Variants in COL6A2 observed in about 807,000 individuals in gnomAD.
COL6A2 encodes collagen type VI alpha 2 chain, also known as collagen alpha-2(VI) chain.
COL6A2 carries 90 observed loss-of-function variants against 124.9 expected under a neutral mutation model. The ratio of observed to expected loss-of-function variants is 0.72; its 90% CI spans 0.61 to 0.86. The LOEUF (loss-of-function observed/expected upper bound fraction) is 0.86. COL6A2 is among the 40% of genes least tolerant of loss of function. The pLI is 0.00. For missense variants in COL6A2, 1,607 were observed against 1,502.5 expected (o/e 1.07, Z -1.15); for synonymous variants, 793 against 618.2 (o/e 1.28, Z -4.19).
intron 1 of COL6A2, among the ~76,000 whole-genome samples, chr21:46,099,653 C>T (rs376220645): frequency 1.3e-5 from 2 of 152,202 alleles, no homozygotes; most frequent in East Asian, 1.9e-4. Flanking sequence ...ACCCAGCCCG[C>T]GGGGCACTGG....
Position 46,132,409 on chromosome 21 carries a change from G to C in COL6A2, c.2917G>C (p.Val973Leu). The C allele has an allele frequency of 6.2e-7, 1 of 1,608,244 alleles. No homozygotes were observed. The highest frequency in any genetic ancestry group is 8.5e-7 in the Non-Finnish European group (1 of 1,178,020). Residue 973 changes from valine (V) to leucine (L), a missense_variant, in exon 28 of 28, where the codon GTG becomes CTG. Around this residue, in one of 3 missense-constraint regions of COL6A2, gnomAD observed 1,223 missense variants for 1,052.2 expected, o/e 1.16. Coordinates refer to ENST00000300527, the MANE Select transcript of COL6A2 (RefSeq NM_001849.4). ...SMRKQNVVPT[V>L]LALGSDVDMD... is the part of the protein sequence containing the mutation. ...GCGCAAGCAGAACGTGGTACCCACC[G>C]TGCTGGCCTTGGGCAGCGACGTGGA...
chr21:46,129,591 G>T, intron 27 of COL6A2: 3 of 1,441,994 alleles, frequency 2.1e-6, no homozygotes, highest in Non-Finnish European at 2.7e-6. Flanking sequence ...CAGAGATCTG[G>T]AATCGGGGTC....
intron 1 of COL6A2, among the ~76,000 whole-genome samples, chr21:46,101,257 A>T (rs1229797320): frequency 6.6e-6 from 1 of 151,844 alleles, no homozygotes; most frequent in Non-Finnish European, 1.5e-5. Context: ...AATCAAGTTG[A>T]TTGTTTTTTG....
chr21:46,129,157 C>T (rs2078721196), intron 27 of COL6A2: 1 of 1,612,216 alleles, frequency 6.2e-7, no homozygotes, highest in Middle Eastern at 1.7e-4. Flanking sequence ...CCGACGCCCA[C>T]CGCAGGCCTT....
chr21:46,127,412 G>A (rs926581580), intron 27 of COL6A2, among the ~76,000 whole-genome samples: 5 of 152,174 alleles, frequency 3.3e-5, no homozygotes, highest in African/African-American at 9.7e-5. Context: ...CTGCCCCAGG[G>A]GAGGAGCCGT....
intron 1 of COL6A2, among the ~76,000 whole-genome samples, chr21:46,109,986 C>A (rs547209859): frequency 1.2e-4 from 19 of 152,346 alleles, no homozygotes; most frequent in African/African-American, 3.6e-4. Context: ...GGAACTCTCA[C>A]CTCGCCAAAC....
Position 46,124,656 on chromosome 21 carries a change from T to A in COL6A2, c.1677T>A (p.Asp559Glu). The change falls in exon 22 of 28, where the codon GAT becomes GAA. Residue 559 changes from aspartate (D) to glutamate (E), a missense_variant. Transcript: ENST00000300527. Reference sequence around the variant, plus strand: ...CTGTTCTTGTTCCTTCTCAGGCGGATCCTGGTCCCCCTGGTGAGCCAGGCC... The same window carrying A: ...CTGTTCTTGTTCCTTCTCAGGCGGAACCTGGTCCCCCTGGTGAGCCAGGCC... ...GRKGEKGEPADPGPPGEPGPR... is the reference protein window; with the variant it reads ...GRKGEKGEPAEPGPPGEPGPR... The A allele has an allele frequency of 6.2e-7, 1 of 1,612,880 alleles. No individual in the cohort carries two copies. The highest frequency in any genetic ancestry group is 8.5e-7 in the Non-Finnish European group (1 of 1,179,900).
intron 27 of COL6A2, chr21:46,129,380 G>A (rs1391030946): frequency 6.2e-7 from 1 of 1,612,902 alleles, no homozygotes; most frequent in Non-Finnish European, 8.5e-7. Context: ...AGCGGGCCAA[G>A]TTCGCCACCG....
chr21:46,122,741 C>CA (rs1568935788), intron 20 of COL6A2, 134 bp from the exon 21 acceptor site: 1 of 966,224 alleles, frequency 1.0e-6, no homozygotes, highest in Non-Finnish European at 1.5e-6. Flanking sequence ...TCAGGCTTTG[C>CA]AAAAAAACCA....
Position 46,122,952 on chromosome 21 carries a change from C to G in COL6A2, c.1671+15C>G. The stretch of plus-strand genomic sequence containing the variant: ...AAGGAGAGCCTGTGAGTGTCACCGT[C>G]CCGAAGCCCACAGCAGCTGGGCAGA... On this transcript the variant is annotated intron_variant, in intron 21 of 27. Coordinates refer to ENST00000300527, the MANE Select transcript of COL6A2 (RefSeq NM_001849.4). The G allele has an allele frequency of 6.2e-7, 1 of 1,612,270 alleles. No individual in the cohort carries two copies. The highest frequency in any genetic ancestry group is 8.5e-7 in the Non-Finnish European group (1 of 1,179,294).
chr21:46,132,800 G>C lies in COL6A2; in HGVS notation c.*248G>C. 1.7e-6 allele frequency: 1 copy of C among 577,576 alleles called. No homozygotes were observed. Among genetic ancestry groups the C allele is most frequent in the Non-Finnish European group, 3.1e-6 (1 of 322,116 alleles). 35.8% of individuals were successfully genotyped at this position (577,576 alleles called of 1,614,324 possible). ...CATCCCAAGGCTCCTGACCTACCTG[G>C]CCCCTGAGCTCTGGAGCAAGCCCTG... On this transcript the variant is annotated 3_prime_UTR_variant, in exon 28 of 28. Transcript: ENST00000300527.
chr21:46,122,669 G>T, intron 20 of COL6A2, 138 bp downstream of exon 20: 1 of 1,085,664 alleles, frequency 9.2e-7, no homozygotes, highest in Non-Finnish European at 1.4e-6. Flanking sequence ...GCCCAGCCAT[G>T]TCACCTATGC....
rs751205322 is a variant in COL6A2 at position 46,121,529 on chromosome 21, ACTTCTGAATTTCTCTC to A, written c.1459-24_1459-9del. 6.2e-7 allele frequency: 1 copy of A among 1,611,456 alleles called. No homozygotes were observed. Among genetic ancestry groups the A allele is most frequent in the South Asian group, 1.1e-5 (1 of 91,032 alleles). ...GCATGGCCAGTCCCTGCCTGTGCTG[ACTTCTGAATTTCTCTC>A]CTGCCCTCAGGGATCTCGGGGAGAC... On this transcript the variant is annotated splice_polypyrimidine_tract_variant and intron_variant, in intron 17 of 27. Transcript: ENST00000300527.
At chr21:46,126,571 C>T (rs774639108) in intron 27 of COL6A2, 30 bp downstream of exon 27, 52 of 1,612,984 alleles carry the variant, frequency 3.2e-5, no homozygotes, top group Non-Finnish European at 4.3e-5. Flanking sequence ...GCCACCACCC[C>T]AGACTAGCAA....
At chr21:46,128,957 C>A in intron 27 of COL6A2, 1 of 1,610,610 alleles carries the variant, frequency 6.2e-7, no homozygotes, top group Non-Finnish European at 8.5e-7. Context: ...GTGGTGTCCC[C>A]CAAAGGTGCC....
intron 15 of COL6A2, 94 bp downstream of exon 15, chr21:46,119,944 C>A: frequency 8.9e-7 from 1 of 1,127,800 alleles, no homozygotes; most frequent in Non-Finnish European, 1.3e-6. Context: ...CAGAGAACAA[C>A]AGAACCCCAG....
Position 46,126,549 on chromosome 21 carries a change from A to C in COL6A2, c.2461+8A>C. On this transcript the variant is annotated splice_region_variant and intron_variant, in intron 27 of 27. Coordinates refer to ENST00000300527, the MANE Select transcript of COL6A2 (RefSeq NM_001849.4). ...ACCTTCCCTGCCAAACAGGTAATGC[A>C]GGGCACCCTGAGCCACCACCCCAGA... The C allele has an allele frequency of 6.2e-7, 1 of 1,613,352 alleles. No individual in the cohort carries two copies. The highest frequency in any genetic ancestry group is 8.5e-7 in the Non-Finnish European group (1 of 1,179,884).
Position 46,117,430 on chromosome 21 carries a change from T to C in COL6A2, c.1030T>C (p.Cys344Arg). 5.6e-6 allele frequency: 9 copies of C among 1,612,762 alleles called. No homozygotes were observed. The highest frequency in any genetic ancestry group is 7.6e-6 in the Non-Finnish European group (9 of 1,179,888). ...GKLGRIGPPGCKGDPGNRGPD... is the reference protein window; with the variant it reads ...GKLGRIGPPGRKGDPGNRGPD... ...GCTGGGGCGCATCGGACCTCCTGGCTGCAAGGGAGACCCTGGAAACCGGGT... is the reference window on the plus strand; with the variant it reads ...GCTGGGGCGCATCGGACCTCCTGGCCGCAAGGGAGACCCTGGAAACCGGGT... The change falls in exon 11 of 28, where the codon TGC becomes CGC. Residue 344 changes from cysteine (C) to arginine (R), a missense_variant. By Grantham distance (180) the Cys-to-Arg change is radical. This residue lies in a region of COL6A2 where 1,223 missense variants were observed against 1,052.2 expected (regional missense o/e 1.16). Transcript: ENST00000300527.
chr21:46,128,950 G>T, intron 27 of COL6A2: 3 of 1,611,168 alleles, frequency 1.9e-6, no homozygotes, highest in Non-Finnish European at 1.7e-6. Context: ...GGGGTCCGTG[G>T]TGTCCCCCAA....
Sources: allele counts gnomAD v4.1 joint callset (sites outside exome capture counted in the v4.1 genomes callset), GRCh38; gene constraint gnomAD v4.1.1; regional missense constraint gnomAD v4.1.1; transcripts MANE v1.5; gene names NCBI Gene and HGNC (gene_info 2026-07-23, HGNC 2026-07-21).